Variants in CPXM2 observed in about 807,000 individuals in gnomAD.
CPXM2 encodes the protein inactive carboxypeptidase-like protein X2.
CPXM2 carries 66 observed loss-of-function variants against 86.1 expected under a neutral mutation model. The ratio of observed to expected loss-of-function variants is 0.77; its 90% CI spans 0.63 to 0.94. CPXM2 has a LOEUF of 0.94. Ranked by LOEUF, CPXM2 falls within the 40% of genes least tolerant of loss-of-function variation. The probability of loss-of-function intolerance (pLI) is 0.00; values close to 1 mark genes in which losing one functional copy is unlikely to be tolerated. For synonymous variants in CPXM2, 388 were observed against 400.2 expected, an observed-to-expected ratio of 0.97 and a Z score of 0.36; for missense variants, 948 against 1,026.3, an observed-to-expected ratio of 0.92 and a Z score of 1.04.
At chr10:123,912,825 T>G (rs1945501989) in intron 2 of CPXM2, among the ~76,000 whole-genome samples, 1 of 152,242 alleles carries the variant, frequency 6.6e-6, no homozygotes. Context: ...TATTTTTGTC[T>G]CTGAAGCCAC....
At chr10:123,915,680 G>A (rs1945529116) in intron 2 of CPXM2, among the ~76,000 whole-genome samples, 2 of 152,146 alleles carry the variant, frequency 1.3e-5, no homozygotes, top group Non-Finnish European at 2.9e-5. Flanking sequence ...CTTTCTTCCT[G>A]GTCAATGGCT....
chr10:123,753,212 G>A (rs1846121958), intron 13 of CPXM2, among the ~76,000 whole-genome samples: 1 of 152,206 alleles, frequency 6.6e-6, no homozygotes, highest in South Asian at 2.1e-4. Flanking sequence ...GGATCAGTGG[G>A]AAGTCAGATC....
chr10:123,826,412 A>T (rs745610725), intron 4 of CPXM2, among the ~76,000 whole-genome samples: 3 of 152,208 alleles, frequency 2.0e-5, no homozygotes, highest in Non-Finnish European at 4.4e-5. Flanking sequence ...GTTGAAAGAT[A>T]TCAAAGCTAA....
chr10:123,929,177 G>C (rs1288635625), intron 2 of CPXM2, among the ~76,000 whole-genome samples: 1 of 152,228 alleles, frequency 6.6e-6, no homozygotes, highest in Non-Finnish European at 1.5e-5. Context: ...ACAGATGATG[G>C]CTCAGCATGC....
chr10:123,940,203 T>G (rs1264292299), exon 1 of CPXM2: 4 of 152,324 alleles, frequency 2.6e-5, no homozygotes, highest in Non-Finnish European at 5.9e-5. Context: ...GTCTGCAGCC[T>G]GATGCTTCTT....
rs1846351913 is a variant in CPXM2, at chr10:123,761,944, C to T, written c.1705G>A (p.Val569Met). ...HRLMTDARRR[V>M]CHTEDFQKEE... ...TTCTGGAAGTCCTCCGTGTGGCACACCCTCCTCCGGGCGTCTGTCATGAGG... is the reference window on the plus strand; with the variant it reads ...TTCTGGAAGTCCTCCGTGTGGCACATCCTCCTCCGGGCGTCTGTCATGAGG... Residue 569 changes from valine (V) to methionine (M), a missense_variant, in exon 11 of 14, where the codon GTG (valine) becomes ATG (methionine). Transcript: ENST00000241305. The T allele has an allele frequency of 1.2e-6, 2 of 1,613,742 alleles. No homozygotes were observed. The highest frequency in any genetic ancestry group is 3.3e-5 in the Admixed American group (2 of 59,970).
intron 4 of CPXM2, among the ~76,000 whole-genome samples, chr10:123,809,683 A>G (rs1389396563): frequency 2.0e-5 from 3 of 148,168 alleles, no homozygotes; most frequent in African/African-American, 7.4e-5. Flanking sequence ...TTACAGATGA[A>G]GAACCTGAGA....
intron 10 of CPXM2, among the ~76,000 whole-genome samples, chr10:123,764,954 C>A (rs2133994536): frequency 6.6e-6 from 1 of 152,206 alleles, no homozygotes; most frequent in African/African-American, 2.4e-5. Context: ...CATTATTATT[C>A]AGTTCTAATT....
chr10:123,836,137 G>A (rs1848275281), intron 4 of CPXM2, among the ~76,000 whole-genome samples: 1 of 152,030 alleles, frequency 6.6e-6, no homozygotes, highest in Non-Finnish European at 1.5e-5. Flanking sequence ...CCCCGCAACG[G>A]GGATGGTGCT....
intron 7 of CPXM2, chr10:123,777,091 C>T (rs12570596): frequency 6.6e-6 from 1 of 152,382 alleles, no homozygotes; most frequent in East Asian, 1.9e-4. Context: ...TGCTGCTCCG[C>T]CCTGGCTTCC....
intron 10 of CPXM2, among the ~76,000 whole-genome samples, chr10:123,765,518 A>T (rs1046083091): frequency 1.3e-5 from 2 of 152,244 alleles, no homozygotes; most frequent in African/African-American, 4.8e-5. Flanking sequence ...CCAAAGTATA[A>T]CATAGCTCGA....
chr10:123,826,656 C>T (rs1336910325), intron 4 of CPXM2, among the ~76,000 whole-genome samples: 1 of 151,898 alleles, frequency 6.6e-6, no homozygotes, highest in Admixed American at 6.6e-5. Flanking sequence ...AGAGAGAGGC[C>T]TTCTTAACTA....
At chr10:123,785,725 C>T (rs1397376328) in intron 6 of CPXM2, among the ~76,000 whole-genome samples, 1 of 151,820 alleles carries the variant, frequency 6.6e-6, no homozygotes, top group Non-Finnish European at 1.5e-5. Flanking sequence ...CTCCGCCTCC[C>T]GGGTTCACGC....
chr10:123,768,648 C>CCAGCAGCAG lies in CPXM2; in HGVS notation c.1168_1176dup (p.Leu390_Leu392dup). The CCAGCAGCAG allele has an allele frequency of 6.2e-7, 1 of 1,613,054 alleles. No homozygotes were observed. On this transcript the variant is annotated inframe_insertion, in exon 9 of 14. Coordinates refer to ENST00000241305, the MANE Select transcript of CPXM2 (RefSeq NM_198148.3). ...AAGTACTCCTGACACACGAACTGCA[C>CCAGCAGCAG]CAGCAGCAGCAGCAGCTCCCGGCCC...
chr10:123,795,025 C>T (rs1847300536), intron 6 of CPXM2, among the ~76,000 whole-genome samples: 1 of 152,206 alleles, frequency 6.6e-6, no homozygotes, highest in South Asian at 2.1e-4. Context: ...CTGCTTCAGC[C>T]TTGCAAAGTG....
At chr10:123,930,714 G>A (rs868082569) in intron 2 of CPXM2, among the ~76,000 whole-genome samples, 6 of 152,326 alleles carry the variant, frequency 3.9e-5, no homozygotes, top group Middle Eastern at 3.4e-3. Flanking sequence ...TCCCTGTTAC[G>A]GTTAAAGCAG....
chr10:123,934,622 T>G (rs528672609), intron 2 of CPXM2, among the ~76,000 whole-genome samples: 1 of 152,020 alleles, frequency 6.6e-6, no homozygotes, highest in South Asian at 2.1e-4. Context: ...GTGGGGACCC[T>G]CTTCAACCCA....
intron 7 of CPXM2, among the ~76,000 whole-genome samples, 180 bp downstream of exon 7, chr10:123,779,987 T>C (rs560100564): frequency 6.6e-6 from 1 of 152,350 alleles, no homozygotes; most frequent in East Asian, 1.9e-4. Context: ...AGCCTTCCTC[T>C]GGTCACCTGA....
chr10:123,888,132 T>G (rs1263388168), intron 1 of CPXM2, among the ~76,000 whole-genome samples: 1 of 152,180 alleles, frequency 6.6e-6, no homozygotes. Context: ...CCAATGCCCT[T>G]GGCTCCTTGC....
Sources: allele counts gnomAD v4.1 joint callset (sites outside exome capture counted in the v4.1 genomes callset), GRCh38; gene constraint gnomAD v4.1.1; transcripts MANE v1.5; gene names NCBI Gene and HGNC (gene_info 2026-07-23, HGNC 2026-07-21).